RIMS2: variants seen among roughly 807,000 people sequenced by gnomAD.
RIMS2 encodes regulating synaptic membrane exocytosis 2.
In RIMS2, 59 loss-of-function variants were observed where a neutral mutation model predicts 174.4. That is an observed-to-expected ratio of 0.34 (90% CI 0.27 to 0.42). The LOEUF (loss-of-function observed/expected upper bound fraction) is 0.42. Ranked by LOEUF, RIMS2 falls within the 10% of genes least tolerant of loss-of-function variation. The probability of loss-of-function intolerance (pLI) is 1.00; values close to 1 mark genes in which losing one functional copy is unlikely to be tolerated. For synonymous variants in RIMS2, 606 were observed against 572.5 expected (o/e 1.06, Z -0.84); for missense variants, 1,620 against 1,666.3 (o/e 0.97, Z 0.48).
At chr8:103,972,839 T>C (rs182719482) in intron 15 of RIMS2, among the ~76,000 whole-genome samples, 9 of 152,344 alleles carry the variant, frequency 5.9e-5, no homozygotes, top group Admixed American at 1.3e-4. Flanking sequence ...ATTTTCCTTT[T>C]TCTTGTTCTA....
At chr8:103,951,210 G>C (rs183920628) in intron 14 of RIMS2, among the ~76,000 whole-genome samples, 1 of 152,292 alleles carries the variant, frequency 6.6e-6, no homozygotes, top group African/African-American at 2.4e-5. Flanking sequence ...GGCATTGAAG[G>C]AACATACTTC....
chr8:103,574,238 C>G (rs893579256), intron 1 of RIMS2, among the ~76,000 whole-genome samples: 2 of 152,112 alleles, frequency 1.3e-5, no homozygotes, highest in Admixed American at 1.3e-4. Context: ...CATATTTGCC[C>G]TAGGTTCCCC....
chr8:103,663,186 T>G (rs1275027018), intron 1 of RIMS2, among the ~76,000 whole-genome samples: 1 of 151,510 alleles, frequency 6.6e-6, no homozygotes, highest in Non-Finnish European at 1.5e-5. Context: ...AAAAAAAAAT[T>G]TTTTTTCTGG....
intron 12 of RIMS2, among the ~76,000 whole-genome samples, chr8:103,933,401 G>T (rs9802039): frequency 0.2 from 30,782 of 151,602 alleles, 3,462 homozygotes; most frequent in Non-Finnish European, 0.24. Flanking sequence ...CAGGAGAATT[G>T]CTTTAACCTG....
At chr8:103,886,509 A>G (rs920719126) in intron 4 of RIMS2, among the ~76,000 whole-genome samples, 2 of 151,926 alleles carry the variant, frequency 1.3e-5, no homozygotes, top group African/African-American at 4.8e-5. Context: ...AAAAATATCC[A>G]TTAACTGTAG....
downstream of RIMS2, chr8:104,252,952 G>C (rs2099362585): frequency 6.6e-6 from 1 of 152,078 alleles, no homozygotes; most frequent in Admixed American, 6.5e-5. Flanking sequence ...GTTTGATTCA[G>C]AGCTGTAGAT....
chr8:103,638,532 A>G (rs2096145704), intron 1 of RIMS2, among the ~76,000 whole-genome samples: 1 of 152,060 alleles, frequency 6.6e-6, no homozygotes, highest in Non-Finnish European at 1.5e-5. Context: ...GGAGCATTAT[A>G]ATCCATATGG....
chr8:103,557,641 T>G (rs989631942), intron 1 of RIMS2, among the ~76,000 whole-genome samples: 2 of 152,316 alleles, frequency 1.3e-5, no homozygotes, highest in Admixed American at 1.3e-4. Flanking sequence ...GTTTACATTC[T>G]CTATCATTGC....
Position 103,567,987 on chromosome 8 carries a change from G to A in RIMS2, c.176+66925G>A, listed in dbSNP as rs2092503957. The stretch of plus-strand genomic sequence containing the variant: ...GAAGAAATATATATTCAAATCCTTG[G>A]CCTGGCATGGTGGCTTATGGCTGTA... On this transcript the variant is annotated intron_variant, in intron 1 of 23. Coordinates refer to ENST00000504942, the Ensembl canonical transcript of RIMS2. 1.3e-5 allele frequency among the ~76,000 whole-genome samples: 2 copies of A among 152,116 alleles called. 1 individual carries two copies. The highest frequency in any genetic ancestry group is 4.1e-4 in the South Asian group (2 of 4,828).
chr8:103,681,438 G>A (rs13262669), intron 1 of RIMS2, among the ~76,000 whole-genome samples: 26,874 of 151,884 alleles, frequency 0.18, 2,582 homozygotes, highest in African/African-American at 0.24. Context: ...ATTGGGGAAG[G>A]GAAAATAGTT....
chr8:103,922,461 T>C (rs1425073580), intron 10 of RIMS2, among the ~76,000 whole-genome samples: 1 of 151,962 alleles, frequency 6.6e-6, no homozygotes, highest in Non-Finnish European at 1.5e-5. Context: ...GTTTGTTCTG[T>C]TGTAATTCCC....
chr8:104,174,247 C>A (rs996662228), intron 19 of RIMS2, among the ~76,000 whole-genome samples: 1 of 152,008 alleles, frequency 6.6e-6, no homozygotes, highest in African/African-American at 2.4e-5. Flanking sequence ...GCACCCGGCC[C>A]TAAAGGATCA....
chr8:103,623,868 T>C (rs1172686766), intron 1 of RIMS2, among the ~76,000 whole-genome samples: 2 of 151,992 alleles, frequency 1.3e-5, no homozygotes, highest in Non-Finnish European at 2.9e-5. Flanking sequence ...TAGGGAGATC[T>C]ATCACATTAA....
chr8:103,528,083 C>T (rs1834999166), intron 1 of RIMS2, among the ~76,000 whole-genome samples: 1 of 152,182 alleles, frequency 6.6e-6, no homozygotes, highest in Non-Finnish European at 1.5e-5. Flanking sequence ...GATCGCCATT[C>T]TAACTGGTGT....
chr8:104,168,058 G>T (rs528529603), intron 19 of RIMS2, among the ~76,000 whole-genome samples: 1 of 152,138 alleles, frequency 6.6e-6, no homozygotes, highest in South Asian at 2.1e-4. Flanking sequence ...ATGTTGTTTT[G>T]GTAACTATAG....
At chr8:104,147,818 A>C (rs1294804345) in intron 19 of RIMS2, among the ~76,000 whole-genome samples, 1 of 152,094 alleles carries the variant, frequency 6.6e-6, no homozygotes, top group Non-Finnish European at 1.5e-5. Flanking sequence ...TCGTGGAAAA[A>C]TCCAAAGTCA....
intron 3 of RIMS2, among the ~76,000 whole-genome samples, chr8:103,832,671 A>G (rs918029438): frequency 2.6e-5 from 4 of 152,190 alleles, no homozygotes; most frequent in African/African-American, 9.6e-5. Flanking sequence ...TTTGCTAAGG[A>G]TAATGGCTTC....
chr8:104,021,267 A>C lies in RIMS2; in HGVS notation c.3334+6652A>C, dbSNP rs561103666. Among the ~76,000 whole-genome samples, 8 of 152,272 alleles carry C rather than the reference A, an allele frequency of 5.3e-5. No individual in the cohort carries two copies. The South Asian group carries it at 1.7e-3, about 32-fold the overall frequency. On this transcript the variant is annotated intron_variant, in intron 19 of 23. Coordinates refer to ENST00000504942, the Ensembl canonical transcript of RIMS2. ...TTAATTATTCTTTAATGCACATTCT[A>C]GAATATGATTTAAAAGATAATGTAA...
intron 3 of RIMS2, among the ~76,000 whole-genome samples, chr8:103,843,210 A>G (rs2098950455): frequency 6.6e-6 from 1 of 152,224 alleles, no homozygotes; most frequent in Non-Finnish European, 1.5e-5. Flanking sequence ...TTTCATGAGA[A>G]TTTAGAGCTT....
Sources: gnomAD v4.1 joint callset for allele counts (sites outside exome capture counted in the v4.1 genomes callset) on GRCh38, gnomAD v4.1.1 for gene constraint, MANE v1.5 for transcripts, NCBI Gene and HGNC (gene_info 2026-07-23, HGNC 2026-07-21) for gene names.